HIVEP3: variants seen among roughly 807,000 people sequenced by gnomAD.
HIVEP3 encodes transcription factor HIVEP3.
HIVEP3 carries 49 observed loss-of-function variants against 152.8 expected under a neutral mutation model. The observed-to-expected ratio is 0.32, with a 90% CI of 0.26 to 0.41. The LOEUF (loss-of-function observed/expected upper bound fraction) is 0.41. Ranked by LOEUF, HIVEP3 falls within the 10% of genes least tolerant of loss-of-function variation. The pLI is 1.00. For synonymous variants in HIVEP3, 1,269 were observed against 1,289.0 expected (o/e 0.98, Z 0.33); for missense variants, 2,790 against 3,103.3 (o/e 0.90, Z 2.40).
chr1:41,571,657 C>A (rs961303206), intron 5 of HIVEP3, among the ~76,000 whole-genome samples: 11 of 152,200 alleles, frequency 7.2e-5, no homozygotes, highest in Admixed American at 5.2e-4. Flanking sequence ...CAAAGAACTA[C>A]AGAGTGTGGA....
intron 1 of HIVEP3, among the ~76,000 whole-genome samples, chr1:41,731,571 G>C (rs1046245539): frequency 3.3e-5 from 5 of 152,204 alleles, no homozygotes; most frequent in Admixed American, 6.5e-5. Flanking sequence ...AGAGATTGTG[G>C]CTTCTACCTT....
chr1:41,980,742 C>CT (rs1218231588), intron 1 of HIVEP3, among the ~76,000 whole-genome samples: 3 of 152,136 alleles, frequency 2.0e-5, no homozygotes. Flanking sequence ...ATGGAACCGT[C>CT]TGAGGGCCAT....
intron 2 of HIVEP3, among the ~76,000 whole-genome samples, chr1:41,681,292 C>T (rs1646034878): frequency 1.3e-5 from 2 of 152,304 alleles, no homozygotes; most frequent in South Asian, 4.1e-4. Flanking sequence ...CAGCATCTTG[C>T]TTTGTTACCC....
intron 1 of HIVEP3, among the ~76,000 whole-genome samples, chr1:41,872,062 T>C (rs540251990): frequency 2.0e-5 from 3 of 152,206 alleles, no homozygotes; most frequent in Non-Finnish European, 4.4e-5. Context: ...CTAATCAAGA[T>C]ATAAAAACTT....
intron 1 of HIVEP3, among the ~76,000 whole-genome samples, chr1:41,932,943 G>T (rs1236421343): frequency 6.6e-6 from 1 of 151,712 alleles, no homozygotes; most frequent in African/African-American, 2.4e-5. Flanking sequence ...GGTTTATTTA[G>T]ATATGTGTTG....
intron 2 of HIVEP3, among the ~76,000 whole-genome samples, chr1:41,691,931 G>A (rs1179778805): frequency 2.7e-5 from 4 of 147,376 alleles, no homozygotes; most frequent in Admixed American, 6.9e-5. Flanking sequence ...TGTAACCTCC[G>A]CCTCCCGGGT....
At position 41,959,567 on chromosome 1, in the gene HIVEP3, C is replaced by G. The variant is rs566696596; in HGVS notation, n.120-41043G>C. On this transcript the variant is annotated intron_variant and non_coding_transcript_variant, in intron 1 of 3. Transcript: ENST00000489103. The stretch of plus-strand genomic sequence containing the variant: ...ACCTCTTAAAAGCATAGTTAAGGGG[C>G]AAGCTTGGACATAACACCCTGTACA... Among the ~76,000 whole-genome samples, 4 of 152,326 alleles carry G rather than the reference C, an allele frequency of 2.6e-5. No homozygotes were observed. In the East Asian group the frequency reaches 7.7e-4, roughly 29 times the overall value.
At chr1:41,984,517 G>A (rs558642508) in intron 1 of HIVEP3, among the ~76,000 whole-genome samples, 26 of 152,296 alleles carry the variant, frequency 1.7e-4, no homozygotes, top group African/African-American at 5.5e-4. Context: ...ATATCCAGAC[G>A]TGGAATGCAC....
At chr1:42,002,801 C>G (rs949121924) in intron 1 of HIVEP3, among the ~76,000 whole-genome samples, 1 of 151,750 alleles carries the variant, frequency 6.6e-6, no homozygotes, top group Non-Finnish European at 1.5e-5. Context: ...TCCCACCCTG[C>G]CCACATGCTC....
intron 1 of HIVEP3, among the ~76,000 whole-genome samples, chr1:41,787,535 CTTTTTTTT>C (rs200281948): frequency 4.1e-5 from 5 of 122,844 alleles, no homozygotes; most frequent in African/African-American, 1.6e-4. Flanking sequence ...TTCTTTCTTT[CTTTTTTTT>C]TTTTTTTTTT....
At chr1:41,757,091 A>AATTATTATTAGTATT (rs1553256804) in intron 1 of HIVEP3, among the ~76,000 whole-genome samples, 6 of 136,540 alleles carry the variant, frequency 4.4e-5, no homozygotes, top group African/African-American at 1.7e-4. Flanking sequence ...GTCTCTAAAA[A>AATTATTATTAGTATT]ATTATTATTA....
chr1:41,614,477 C>A (rs1471709639), intron 3 of HIVEP3, among the ~76,000 whole-genome samples: 1 of 152,216 alleles, frequency 6.6e-6, no homozygotes, highest in Non-Finnish European at 1.5e-5. Flanking sequence ...TGCAGGGCTT[C>A]AGTTCCTCGT....
intron 5 of HIVEP3, among the ~76,000 whole-genome samples, chr1:41,565,442 A>G (rs2149092458): frequency 6.6e-6 from 1 of 152,248 alleles, no homozygotes; most frequent in East Asian, 1.9e-4. Context: ...AAAGAGAAAG[A>G]GTACTGCTGT....
chr1:41,976,205 T>C (rs149894955), intron 1 of HIVEP3, among the ~76,000 whole-genome samples: 16 of 152,378 alleles, frequency 1.1e-4, no homozygotes, highest in African/African-American at 3.8e-4. Flanking sequence ...ACTCTTGCCG[T>C]ACCTTTCATC....
At chr1:42,025,758 C>T (rs2042064) in intron 1 of HIVEP3, among the ~76,000 whole-genome samples, 103,244 of 151,966 alleles carry the variant, frequency 0.68, 35,716 homozygotes, top group East Asian at 0.96. Context: ...ATTGAGGTGA[C>T]ATAAAACCAT....
At chr1:41,639,594 T>C (rs11210506) in intron 2 of HIVEP3, among the ~76,000 whole-genome samples, 1,745 of 152,238 alleles carry the variant, frequency 0.011, 41 homozygotes, top group African/African-American at 0.04. Flanking sequence ...CCTCTGTCAA[T>C]CTCTCCTCCT....
Position 41,961,689 on chromosome 1 carries a change from T to C in HIVEP3, n.120-43165A>G, listed in dbSNP as rs1294144964. Among the ~76,000 whole-genome samples the C allele has an allele frequency of 2.6e-5, 4 of 152,274 alleles. No homozygotes were observed. In the East Asian group the frequency reaches 7.7e-4, roughly 29 times the overall value. ...ATTGTGTGGGATTGCATTGTTGTTA[T>C]GCAGCATTATGGTGATAACTGATAC... On this transcript the variant is annotated intron_variant and non_coding_transcript_variant, in intron 1 of 3. Coordinates refer to the HIVEP3 transcript ENST00000489103.
chr1:41,677,000 G>T (rs1317122879), intron 2 of HIVEP3, among the ~76,000 whole-genome samples: 1 of 152,182 alleles, frequency 6.6e-6, no homozygotes, highest in Non-Finnish European at 1.5e-5. Context: ...CCGTGTGGAG[G>T]ATGACGCCCA....
intron 1 of HIVEP3, among the ~76,000 whole-genome samples, chr1:41,758,935 T>C (rs1277283507): frequency 6.6e-6 from 1 of 152,166 alleles, no homozygotes; most frequent in Non-Finnish European, 1.5e-5. Context: ...CTTTTTTAAA[T>C]TGTCGTAAAA....
Sources: allele counts gnomAD v4.1 joint callset (sites outside exome capture counted in the v4.1 genomes callset), GRCh38; gene constraint gnomAD v4.1.1; transcripts MANE v1.5; gene names NCBI Gene and HGNC (gene_info 2026-07-23, HGNC 2026-07-21).